ZNF266: variants seen among roughly 807,000 people sequenced by gnomAD.
ZNF266 encodes zinc finger protein 266.
Under a neutral mutation model 16.4 loss-of-function variants are expected in ZNF266, and 16 were observed. That is an observed-to-expected ratio of 0.98 (90% confidence interval 0.66 to 1.48). The LOEUF is 1.48. Among genes scored for constraint, ZNF266 ranks in the 40% most tolerant of loss-of-function variants. The pLI, the probability that ZNF266 is intolerant of heterozygous loss-of-function variation, is 0.00. For missense variants in ZNF266, 738 were observed against 689.1 expected (o/e 1.07, Z -0.79); for synonymous variants, 262 against 237.9 (o/e 1.10, Z -0.93).
At chr19:9,431,943 A>G (rs147925660) in intron 5 of ZNF266, among the ~76,000 whole-genome samples, 145 of 152,228 alleles carry the variant, frequency 9.5e-4, no homozygotes, top group African/African-American at 3.4e-3. Flanking sequence ...TGAGGTCTCA[A>G]GTCAGTTGGG....
chr19:9,434,815 T>C lies in ZNF266; in HGVS notation c.-427A>G, dbSNP rs957888858. 3 of 126,544 alleles carry C rather than the reference T, an allele frequency of 2.4e-5. No homozygotes were observed. Among genetic ancestry groups the C allele is most frequent in the African/African-American group, 9.6e-5 (3 of 31,410 alleles). The allele number at this position is 126,544 out of a possible 1,614,324, so 7.8% of individuals were successfully genotyped here. ...CAACTTACTTCAAAGCCTCCATTCC[T>C]TCTTCCTAAAAGCCCGTTTTGAAGC... On this transcript the variant is annotated 5_prime_UTR_variant, in exon 3 of 11. Coordinates refer to ENST00000592904, the MANE Select transcript of ZNF266 (RefSeq NM_001370374.1).
At chr19:9,423,379 C>T (rs1400590213) in intron 5 of ZNF266, among the ~76,000 whole-genome samples, 3 of 152,184 alleles carry the variant, frequency 2.0e-5, no homozygotes, top group African/African-American at 7.2e-5. Flanking sequence ...GCTGGCACCA[C>T]CACCCACGGA....
intron 5 of ZNF266, among the ~76,000 whole-genome samples, chr19:9,421,662 C>G (rs2069903806): frequency 6.6e-6 from 1 of 152,130 alleles, no homozygotes; most frequent in African/African-American, 2.4e-5. Flanking sequence ...AATGTACATC[C>G]TATCTTCATT....
At chr19:9,430,303 T>C (rs1027120828) in intron 5 of ZNF266, among the ~76,000 whole-genome samples, 2 of 152,122 alleles carry the variant, frequency 1.3e-5, no homozygotes, top group Admixed American at 6.5e-5. Context: ...GGTGGCTGCT[T>C]TCTTTGTCCA....
chr19:9,426,989 C>G (rs532729465), intron 5 of ZNF266, among the ~76,000 whole-genome samples: 2 of 152,254 alleles, frequency 1.3e-5, no homozygotes, highest in Non-Finnish European at 2.9e-5. Context: ...TACAAATTGG[C>G]TTGATAAAAT....
rs2068674634 is a variant in ZNF266, at chr19:9,414,409, C to T, written c.717G>A (p.Gln239=). The T allele has an allele frequency of 1.2e-6, 2 of 1,614,150 alleles. No homozygotes were observed. Among genetic ancestry groups the T allele is most frequent in the Non-Finnish European group, 8.5e-7 (1 of 1,180,030 alleles). ...CTCCATTGTGAGTTCTTAAATGTCC[C>T]TGAAGGTGTGAATGATTAATGAAGG... is the stretch of plus-strand genomic sequence containing the variant. ...GKSFINHSHL[Q]GHLRTHNGES... Residue 239 remains glutamine, a synonymous_variant, in exon 11 of 11, where the codon CAG becomes CAA. Transcript: ENST00000592904.
chr19:9,422,012 G>A (rs1005483238), intron 5 of ZNF266, among the ~76,000 whole-genome samples: 25 of 152,032 alleles, frequency 1.6e-4, no homozygotes, highest in Non-Finnish European at 2.4e-4. Context: ...CACCACACCC[G>A]GCTAATTTTT....
At position 9,417,842 on chromosome 19, in the gene ZNF266, C is replaced by G. The variant is rs183445369; in HGVS notation, c.302G>C (p.Arg101Thr). ...TGAACACTCACCTTGGAAATCACCT[C>G]TCTGCACTGTCCTAGACTCTTCTTG... ...LEQEESRTVQ[R>T]GDFQASEWKV... Residue 101 changes from arginine (R) to threonine (T), a missense_variant, in exon 9 of 11, where the codon AGA becomes ACA. Transcript: ENST00000592904. 93 of 1,613,956 alleles carry G rather than the reference C, an allele frequency of 5.8e-5. No homozygotes were observed. In the Admixed American group the frequency reaches 1.5e-3, roughly 27 times the overall value.
At chr19:9,427,290 T>C (rs1392261195) in intron 5 of ZNF266, among the ~76,000 whole-genome samples, 1 of 152,150 alleles carries the variant, frequency 6.6e-6, no homozygotes. Context: ...ATAACTATTG[T>C]GCTTTTAATT....
chr19:9,431,857 C>T (rs1241190556), intron 5 of ZNF266, among the ~76,000 whole-genome samples: 2 of 152,220 alleles, frequency 1.3e-5, no homozygotes, highest in Non-Finnish European at 2.9e-5. Flanking sequence ...TAACACCCTC[C>T]TGTTGAGCGC....
rs778968555 is a variant in ZNF266, at chr19:9,413,633, G to A, written c.1493C>T (p.Thr498Ile). 6.2e-7 allele frequency: 1 copy of A among 1,614,108 alleles called. No homozygotes were observed. The highest frequency in any genetic ancestry group is 1.1e-5 in the South Asian group (1 of 91,072). Residue 498 changes from threonine to isoleucine, a missense_variant, in exon 11 of 11, where the codon ACT becomes ATT. By Grantham distance (89) the Thr-to-Ile change is moderately conservative. Transcript: ENST00000592904. ...SNLSGHLRIH[T>I]GEKPFECLEC... The stretch of plus-strand genomic sequence containing the variant: ...CAGGCACTCAAAGGGCTTCTCTCCA[G>A]TGTGAATTCTCAAATGTCCACTAAG...
At chr19:9,432,655 G>C (rs2071789872) in intron 5 of ZNF266, among the ~76,000 whole-genome samples, 1 of 151,814 alleles carries the variant, frequency 6.6e-6, no homozygotes. Context: ...TCTAAATAAA[G>C]ACCCCAAACA....
intron 5 of ZNF266, among the ~76,000 whole-genome samples, chr19:9,428,273 G>A (rs2071063206): frequency 6.6e-6 from 1 of 152,176 alleles, no homozygotes; most frequent in Non-Finnish European, 1.5e-5. Flanking sequence ...GCTCTGCCTG[G>A]CCACTGAGGC....
At chr19:9,414,940 T>C (rs1367014147) in intron 10 of ZNF266, among the ~76,000 whole-genome samples, 1 of 152,254 alleles carries the variant, frequency 6.6e-6, no homozygotes, top group Non-Finnish European at 1.5e-5. Context: ...TAGAGTTTTA[T>C]GAAATTGTCT....
chr19:9,425,698 C>T (rs75280248), intron 5 of ZNF266, among the ~76,000 whole-genome samples: 3,254 of 152,260 alleles, frequency 0.021, 116 homozygotes, highest in African/African-American at 0.074. Flanking sequence ...GAAGCACTGC[C>T]AATACTCCCA....
intron 5 of ZNF266, among the ~76,000 whole-genome samples, chr19:9,426,851 G>A (rs111815963): frequency 5.3e-5 from 8 of 151,718 alleles, no homozygotes; most frequent in African/African-American, 9.8e-5. Context: ...GGTACGCCTC[G>A]CTTTAACTGT....
intron 9 of ZNF266, 48 bp from the exon 10 acceptor site, chr19:9,415,790 A>G: frequency 6.7e-7 from 1 of 1,490,602 alleles, no homozygotes; most frequent in Non-Finnish European, 9.3e-7. Context: ...CAGGGTAGAC[A>G]GATGGAGCTG....
chr19:9,418,603 A>C lies in ZNF266; in HGVS notation c.137T>G (p.Val46Gly). Residue 46 changes from valine to glycine, a missense_variant, in exon 8 of 11, where the codon GTG becomes GGG. By Grantham distance (109) the Val-to-Gly change is moderately radical. Coordinates refer to ENST00000592904, the MANE Select transcript of ZNF266 (RefSeq NM_001370374.1). ...AGTCCATTCTTCTGGGGTGAAGTCCACAGCCAGATCATCAAAAGTCACTGA... is the reference window on the plus strand; with the variant it reads ...AGTCCATTCTTCTGGGGTGAAGTCCCCAGCCAGATCATCAAAAGTCACTGA... ...QDSVTFDDLA[V>G]DFTPEEWTLL... is the part of the protein sequence containing the mutation. The C allele has an allele frequency of 6.5e-7, 1 of 1,547,358 alleles. No homozygotes were observed. The highest frequency in any genetic ancestry group is 8.9e-7 in the Non-Finnish European group (1 of 1,119,316).
rs766199515 is a variant in ZNF266, at chr19:9,415,760, T to C, written c.317-18A>G. On this transcript the variant is annotated intron_variant, in intron 9 of 10. Transcript: ENST00000592904. ...TTCTGAAGCTGAAGAGAAAAAGAAA[T>C]GTAAGGGTTTGGAGACATACAGGGT... 19 of 1,603,158 alleles carry C rather than the reference T, an allele frequency of 1.2e-5. No homozygotes were observed. Among genetic ancestry groups the C allele is most frequent in the Non-Finnish European group, 1.6e-5 (19 of 1,171,178 alleles).
Sources: allele counts gnomAD v4.1 joint callset (sites outside exome capture counted in the v4.1 genomes callset), GRCh38; gene constraint gnomAD v4.1.1; transcripts MANE v1.5; gene names NCBI Gene and HGNC (gene_info 2026-07-23, HGNC 2026-07-21).